TSPAN9: variants seen among roughly 807,000 people sequenced by gnomAD.
The protein encoded by TSPAN9 is tetraspanin 9, also known as tetraspanin-9.
In TSPAN9, 16 loss-of-function variants were observed where a neutral mutation model predicts 31.0. That is an observed-to-expected ratio of 0.52 (90% confidence interval 0.35 to 0.78). The LOEUF (loss-of-function observed/expected upper bound fraction) is 0.78. TSPAN9 is among the 30% of genes least tolerant of loss of function. The probability of loss-of-function intolerance (pLI) is 0.01; values close to 1 mark genes in which losing one functional copy is unlikely to be tolerated. For missense variants in TSPAN9, 272 were observed against 312.5 expected, an observed-to-expected ratio of 0.87 and a Z score of 0.98; for synonymous variants, 145 against 121.6, an observed-to-expected ratio of 1.19 and a Z score of -1.27.
chr12:3,190,688 T>C (rs993003723), intron 2 of TSPAN9, among the ~76,000 whole-genome samples: 1 of 152,248 alleles, frequency 6.6e-6, no homozygotes, highest in Non-Finnish European at 1.5e-5. Context: ...CCCTCTTATC[T>C]GGTAAACCTT....
intron 8 of TSPAN9, 80 bp from the exon 9 acceptor site, chr12:3,282,965 G>T: frequency 6.8e-7 from 1 of 1,460,356 alleles, no homozygotes; most frequent in South Asian, 1.2e-5. Flanking sequence ...GGTGCCCTGT[G>T]ACATCCCAAG....
intron 3 of TSPAN9, among the ~76,000 whole-genome samples, chr12:3,224,248 C>A (rs2098386007): frequency 6.6e-6 from 1 of 152,144 alleles, no homozygotes; most frequent in African/African-American, 2.4e-5. Context: ...ATCTGGTTTC[C>A]CTTGGGACCC....
At chr12:3,197,591 T>C (rs1032734496) in intron 2 of TSPAN9, among the ~76,000 whole-genome samples, 2 of 152,038 alleles carry the variant, frequency 1.3e-5, no homozygotes, top group Non-Finnish European at 1.5e-5. Context: ...CCACTCAGAA[T>C]GGGAGAGCTC....
intron 3 of TSPAN9, chr12:3,212,029 T>A: frequency 3.0e-6 from 2 of 663,872 alleles, no homozygotes; most frequent in Non-Finnish European, 5.1e-6. Context: ...TGGAGTGCAG[T>A]GGCATGATCT....
Position 3,211,551 on chromosome 12 carries a change from C to G in TSPAN9, c.63+10295C>G, listed in dbSNP as rs942150565. ...AAACCCTTTTGATATTTTGGTTGACCTTTCATTGAATTCATTCATCATCTT... is the reference window on the plus strand; with the variant it reads ...AAACCCTTTTGATATTTTGGTTGACGTTTCATTGAATTCATTCATCATCTT... On this transcript the variant is annotated intron_variant, in intron 3 of 8. Transcript: ENST00000011898. 6.7e-6 allele frequency: 6 copies of G among 899,398 alleles called. No homozygotes were observed. In the African/African-American group the frequency reaches 1.0e-4, roughly 15 times the overall value. The allele number at this position is 899,398 out of a possible 1,614,324, so 55.7% of individuals were successfully genotyped here. A position where few individuals can be genotyped will look rare whatever the true frequency, so the allele number is the denominator to read the frequency against.
chr12:3,217,203 C>G lies in TSPAN9; in HGVS notation c.63+15947C>G, dbSNP rs145198035. Reference sequence around the variant, plus strand: ...GAGATAACTGAGGAGCTGAGCCTTCCACCTGCCCCTGGGCCTCATGCCCGG... The same window carrying G: ...GAGATAACTGAGGAGCTGAGCCTTCGACCTGCCCCTGGGCCTCATGCCCGG... On this transcript the variant is annotated intron_variant, in intron 3 of 8. Transcript: ENST00000011898. Among the ~76,000 whole-genome samples, 544 of 152,358 alleles carry G rather than the reference C, an allele frequency of 3.6e-3. 1 individual carries two copies. The highest frequency in any genetic ancestry group is 0.012 in the African/African-American group (499 of 41,582).
chr12:3,264,617 G>A (rs1862509415), intron 3 of TSPAN9, among the ~76,000 whole-genome samples: 1 of 152,222 alleles, frequency 6.6e-6, no homozygotes, highest in Non-Finnish European at 1.5e-5. Flanking sequence ...CCGGGGCAGT[G>A]CGGGCAGTGG....
chr12:3,186,576 G>GTGTA (rs386375427), intron 2 of TSPAN9, among the ~76,000 whole-genome samples: 2 of 146,254 alleles, frequency 1.4e-5, no homozygotes, highest in South Asian at 2.2e-4. Flanking sequence ...GTGTGTGTGT[G>GTGTA]TATACACACA....
At chr12:3,141,586 T>C (rs1358013883) in intron 2 of TSPAN9, among the ~76,000 whole-genome samples, 1 of 152,044 alleles carries the variant, frequency 6.6e-6, no homozygotes, top group African/African-American at 2.4e-5. Flanking sequence ...TCATTTGCCC[T>C]TGGCTGTGTC....
chr12:3,088,880 C>T (rs933025988), intron 2 of TSPAN9, among the ~76,000 whole-genome samples: 3 of 150,672 alleles, frequency 2.0e-5, no homozygotes, highest in Admixed American at 6.6e-5. Flanking sequence ...AGCTCAGGCG[C>T]GGGAGGCTGG....
intron 3 of TSPAN9, among the ~76,000 whole-genome samples, chr12:3,243,399 G>A (rs1026601275): frequency 2.0e-5 from 3 of 152,146 alleles, no homozygotes; most frequent in Non-Finnish European, 4.4e-5. Flanking sequence ...TTGCACATAG[G>A]GCGGCTCAGA....
chr12:3,254,920 CAT>C (rs929921576), intron 3 of TSPAN9, among the ~76,000 whole-genome samples: 3 of 152,190 alleles, frequency 2.0e-5, no homozygotes, highest in East Asian at 1.9e-4. Flanking sequence ...ATCATGCACA[CAT>C]GTGTGTTGAC....
chr12:3,166,357 A>G (rs1240645393), intron 2 of TSPAN9, among the ~76,000 whole-genome samples: 1 of 152,224 alleles, frequency 6.6e-6, no homozygotes, highest in Non-Finnish European at 1.5e-5. Context: ...AGGATTTGTT[A>G]TTACTGATTA....
rs1403184963 is a variant in TSPAN9 at position 3,285,286 on chromosome 12, G to C, written c.*2170G>C. The C allele has an allele frequency of 1.3e-5, 2 of 151,920 alleles. No homozygotes were observed. Among genetic ancestry groups the C allele is most frequent in the Non-Finnish European group, 2.9e-5 (2 of 67,992 alleles). The allele number at this position is 151,920 out of a possible 1,614,324, so 9.4% of individuals were successfully genotyped here. On this transcript the variant is annotated 3_prime_UTR_variant, in exon 9 of 9. Coordinates refer to ENST00000011898, the MANE Select transcript of TSPAN9 (RefSeq NM_006675.5). Reference sequence around the variant, plus strand: ...TGCTGTGGGTGGGGTGGGTGGGTTGGTTTATGCCTATCAATGCAATTTTTA... The same window carrying C: ...TGCTGTGGGTGGGGTGGGTGGGTTGCTTTATGCCTATCAATGCAATTTTTA...
chr12:3,133,529 A>G (rs1250699912), intron 2 of TSPAN9, among the ~76,000 whole-genome samples: 2 of 152,160 alleles, frequency 1.3e-5, no homozygotes, highest in Non-Finnish European at 2.9e-5. Context: ...GAATCCTTCC[A>G]GGCCTTTCAT....
intron 3 of TSPAN9, among the ~76,000 whole-genome samples, chr12:3,257,772 G>A (rs577546118): frequency 2.2e-4 from 33 of 152,030 alleles, no homozygotes; most frequent in African/African-American, 7.0e-4. Flanking sequence ...TTGGGCGGGA[G>A]GGGTAGGGGG....
intron 2 of TSPAN9, among the ~76,000 whole-genome samples, chr12:3,096,018 G>A (rs1344751020): frequency 2.1e-5 from 3 of 141,338 alleles, no homozygotes; most frequent in African/African-American, 8.2e-5. Context: ...CGCGGGGCCT[G>A]TCCGCTCCTC....
chr12:3,196,638 G>C (rs918965126), intron 2 of TSPAN9, among the ~76,000 whole-genome samples: 1 of 152,198 alleles, frequency 6.6e-6, no homozygotes. Flanking sequence ...TGACTAAGCT[G>C]AGTGCCCTGA....
chr12:3,231,198 G>A (rs373568783), intron 3 of TSPAN9, among the ~76,000 whole-genome samples: 1 of 152,180 alleles, frequency 6.6e-6, no homozygotes. Flanking sequence ...CAACAGAACA[G>A]CAGGTGCAGA....
Sources: gnomAD v4.1 joint callset for allele counts (sites outside exome capture counted in the v4.1 genomes callset) on GRCh38, gnomAD v4.1.1 for gene constraint, MANE v1.5 for transcripts, NCBI Gene and HGNC (gene_info 2026-07-23, HGNC 2026-07-21) for gene names.